The following ERMARD variants were observed in gnomAD, a reference collection of about 807,000 sequenced individuals.
ERMARD encodes endoplasmic reticulum membrane-associated RNA degradation protein.
ERMARD carries 71 observed loss-of-function variants against 83.9 expected under a neutral mutation model. The ratio of observed to expected loss-of-function variants is 0.85; its 90% CI spans 0.70 to 1.03. ERMARD has a LOEUF of 1.03. Among genes scored for constraint, ERMARD ranks in the 50% least tolerant of loss-of-function variants. The pLI is 0.00. For missense variants in ERMARD, 838 were observed against 810.9 expected, an observed-to-expected ratio of 1.03 and a Z score of -0.41; for synonymous variants, 284 against 298.6, an observed-to-expected ratio of 0.95 and a Z score of 0.50.
At chr6:169,759,454 C>G (rs1210964573) in intron 6 of ERMARD, among the ~76,000 whole-genome samples, 2 of 152,016 alleles carry the variant, frequency 1.3e-5, no homozygotes, top group Non-Finnish European at 2.9e-5. Flanking sequence ...GAGTGTCACT[C>G]TGTCACCCAC....
intron 16 of ERMARD, among the ~76,000 whole-genome samples, chr6:169,778,895 C>G (rs984268286): frequency 2.0e-5 from 3 of 152,208 alleles, no homozygotes; most frequent in African/African-American, 7.2e-5. Context: ...GCCCTGTGAG[C>G]GTGCATGGCC....
chr6:169,762,377 A>ATATT, intron 8 of ERMARD, 52 bp from the exon 9 acceptor site: 2 of 1,534,490 alleles, frequency 1.3e-6, no homozygotes, highest in Non-Finnish European at 1.8e-6. Context: ...ACCTGGCCTA[A>ATATT]TATTTATTTT....
intron 5 of ERMARD, among the ~76,000 whole-genome samples, chr6:169,757,429 TATA>T (rs1238557764): frequency 6.6e-6 from 1 of 152,178 alleles, no homozygotes; most frequent in African/African-American, 2.4e-5. Context: ...TATTAATAAC[TATA>T]ATACTAAATC....
chr6:169,769,392 G>C (rs543213559), intron 11 of ERMARD, 148 bp from the exon 12 acceptor site: 2 of 641,912 alleles, frequency 3.1e-6, no homozygotes, highest in African/African-American at 3.7e-5. Flanking sequence ...TGTCCTGTGG[G>C]TGTAGGAGAA....
At chr6:169,765,485 G>A (rs1190278642) in intron 9 of ERMARD, among the ~76,000 whole-genome samples, 2 of 152,200 alleles carry the variant, frequency 1.3e-5, no homozygotes, top group African/African-American at 2.4e-5. Flanking sequence ...GAGTGAGAAG[G>A]CATTTATACT....
chr6:169,775,765 T>C (rs1793514551), intron 14 of ERMARD, 175 bp from the exon 15 acceptor site: 6 of 794,908 alleles, frequency 7.5e-6, no homozygotes, highest in Non-Finnish European at 1.9e-6. Context: ...TCTTGGCATA[T>C]GGCATCGTTT....
intron 15 of ERMARD, 25 bp from the exon 16 acceptor site, chr6:169,776,430 G>A: frequency 6.2e-7 from 1 of 1,606,730 alleles, no homozygotes; most frequent in Non-Finnish European, 8.5e-7. Flanking sequence ...CATGATGCCT[G>A]CTCCAAGTCT....
intron 1 of ERMARD, among the ~76,000 whole-genome samples, chr6:169,752,250 G>C (rs1026842319): frequency 6.6e-6 from 1 of 152,180 alleles, no homozygotes; most frequent in African/African-American, 2.4e-5. Flanking sequence ...TACCATTTTT[G>C]AGTACTATGT....
At position 169,762,446 on chromosome 6, in the gene ERMARD, T is replaced by A; in HGVS notation, c.875T>A (p.Ile292Lys). 1 of 1,614,070 alleles carries A rather than the reference T, an allele frequency of 6.2e-7. No homozygotes were observed. The highest frequency in any genetic ancestry group is 8.5e-7 in the Non-Finnish European group (1 of 1,179,998). Reference protein sequence around the residue: ...FKSHRFADCAILLLTQLETGL... With the variant: ...FKSHRFADCAKLLLTQLETGL... Reference sequence around the variant, plus strand: ...TTTCATAGGTTTGCTGACTGCGCCATATTGTTGCTGACACAACTGGAGACT... The same window carrying A: ...TTTCATAGGTTTGCTGACTGCGCCAAATTGTTGCTGACACAACTGGAGACT... Residue 292 changes from isoleucine (I) to lysine (K), a missense_variant, in exon 9 of 18, where the codon ATA becomes AAA. By Grantham distance (102) the Ile-to-Lys change is moderately radical. Transcript: ENST00000366773.
rs939745551 is a variant in ERMARD, at chr6:169,779,067, A to AT, written c.1740-109dup. The stretch of plus-strand genomic sequence containing the variant: ...TTGGGCTCTAAGGATTAGGAAAATT[A>AT]TTTTTTGAGAAGTTGGGACTTAAGG... On this transcript the variant is annotated intron_variant, in intron 16 of 17. Transcript: ENST00000366773. 50 of 954,060 alleles carry AT rather than the reference A, an allele frequency of 5.2e-5. No homozygotes were observed. The African/African-American group carries it at 7.1e-4, about 14-fold the overall frequency. The allele number at this position is 954,060 out of a possible 1,614,324, so 59.1% of individuals were successfully genotyped here. A position where few individuals can be genotyped will look rare whatever the true frequency, so the allele number is the denominator to read the frequency against.
chr6:169,760,550 G>A, intron 7 of ERMARD, 92 bp from the exon 8 acceptor site: 1 of 864,790 alleles, frequency 1.2e-6, no homozygotes. Context: ...CACCTAAAGG[G>A]GTTGGCTCAT....
Position 169,768,670 on chromosome 6 carries a change from C to T in ERMARD, c.1059+499C>T, listed in dbSNP as rs559474830. Among the ~76,000 whole-genome samples the T allele has an allele frequency of 5.3e-5, 8 of 152,114 alleles. No individual in the cohort carries two copies. In the East Asian group the frequency reaches 1.6e-3, roughly 30 times the overall value. The stretch of plus-strand genomic sequence containing the variant: ...GTCCCAGCTACTCAGGAGGCTGAGG[C>T]GAGGAAAATGGCTTGAACCCAGGAG... On this transcript the variant is annotated intron_variant, in intron 11 of 17. Coordinates refer to ENST00000366773, the MANE Select transcript of ERMARD (RefSeq NM_018341.3).
chr6:169,751,559 G>C, upstream of ERMARD: 7 of 1,609,940 alleles, frequency 4.3e-6, no homozygotes, highest in Middle Eastern at 3.3e-4. Context: ...CCTGCGCCTC[G>C]TACGGTAGGA....
chr6:169,778,595 C>T (rs776470847), intron 16 of ERMARD, among the ~76,000 whole-genome samples: 1 of 152,154 alleles, frequency 6.6e-6, no homozygotes, highest in African/African-American at 2.4e-5. Flanking sequence ...ACATAGATAT[C>T]GCTGGATTCC....
chr6:169,769,602 C>T lies in ERMARD; in HGVS notation c.1122C>T (p.His374=), dbSNP rs141964540. The change falls in exon 12 of 18, where the codon CAC becomes CAT. Residue 374 remains histidine (H), a synonymous_variant. Coordinates refer to ENST00000366773, the MANE Select transcript of ERMARD (RefSeq NM_018341.3). ...CCCGCATAAGAGATCATTTAAGCCA[C>T]GGGGAGATCAACTTACATGAATTTT... ...EGPRIRDHLS[H]GEINLHEFSK... 81 of 1,613,170 alleles carry T rather than the reference C, an allele frequency of 5.0e-5. No homozygotes were observed. In the African/African-American group the frequency reaches 7.3e-4, roughly 15 times the overall value.
Position 169,753,956 on chromosome 6 carries a change from T to C in ERMARD, c.99T>C (p.Asp33=). 6.2e-7 allele frequency: 1 copy of C among 1,613,872 alleles called. No homozygotes were observed. Among genetic ancestry groups the C allele is most frequent in the South Asian group, 1.1e-5 (1 of 91,042 alleles). ...GGTTTCAACTCAGAGAAAATTGTGA[T>C]ATCAATAGCATTGTAACTCAGAATG... ...NLGFQLRENC[D]INSIVTQNGE... The change falls in exon 2 of 18, where the codon GAT becomes GAC. Residue 33 remains aspartate, a synonymous_variant. Transcript: ENST00000366773.
intron 5 of ERMARD, among the ~76,000 whole-genome samples, chr6:169,758,138 C>G (rs867111575): frequency 6.6e-6 from 1 of 152,228 alleles, no homozygotes. Flanking sequence ...TTGGGTCTTC[C>G]CCTTGAGGGA....
intron 2 of ERMARD, 93 bp downstream of exon 2, chr6:169,754,125 T>C (rs888694495): frequency 1.0e-5 from 13 of 1,271,104 alleles, no homozygotes; most frequent in African/African-American, 4.5e-5. Flanking sequence ...TTGGTTCCTT[T>C]TGTTAGATAA....
intron 9 of ERMARD, among the ~76,000 whole-genome samples, chr6:169,765,836 C>T (rs747398916): frequency 6.6e-6 from 1 of 152,152 alleles, no homozygotes; most frequent in Non-Finnish European, 1.5e-5. Flanking sequence ...ATGGAGCGTG[C>T]CACCGTGCAG....
Sources: allele counts gnomAD v4.1 joint callset (sites outside exome capture counted in the v4.1 genomes callset), GRCh38; gene constraint gnomAD v4.1.1; transcripts MANE v1.5; gene names NCBI Gene and HGNC (gene_info 2026-07-23, HGNC 2026-07-21).